The following RPS6KA5 variants were observed in gnomAD, a reference collection of about 807,000 sequenced individuals.
RPS6KA5 encodes ribosomal protein S6 kinase A5, also known as ribosomal protein S6 kinase alpha-5.
A neutral mutation model predicts 85.5 loss-of-function variants in RPS6KA5; 27 were observed. The ratio of observed to expected loss-of-function variants is 0.32; its 90% CI spans 0.23 to 0.44. The LOEUF (loss-of-function observed/expected upper bound fraction) is 0.44. Among genes scored for constraint, RPS6KA5 ranks in the 20% least tolerant of loss-of-function variants. The pLI is 1.00. For missense variants in RPS6KA5, 811 were observed against 980.9 expected (o/e 0.83, Z 2.31); for synonymous variants, 334 against 348.2 (o/e 0.96, Z 0.46).
In RPS6KA5 at chr14:91,017,329, C is replaced by A. The variant is rs147810813; in HGVS notation, c.104-16170G>T. On this transcript the variant is annotated intron_variant, in intron 1 of 16. Transcript: ENST00000614987. ...GATACAGATTTGCCTTCCCTGCACA[C>A]AATATTTCTGTCACAACTACCATCC... Among the ~76,000 whole-genome samples, 294 of 152,320 alleles carry A rather than the reference C, an allele frequency of 1.9e-3. 1 individual carries two copies. Among genetic ancestry groups the A allele is most frequent in the African/African-American group, 6.6e-3 (276 of 41,578 alleles).
chr14:90,947,360 A>G, intron 4 of RPS6KA5, 75 bp downstream of exon 4: 1 of 787,452 alleles, frequency 1.3e-6, no homozygotes, highest in East Asian at 2.5e-5. Context: ...ATGTAAAAAC[A>G]TTAGCTCTTC....
rs188636551 is a variant in RPS6KA5, at chr14:90,978,858, A to G, written c.176-334T>C. On this transcript the variant is annotated intron_variant, in intron 2 of 16. Transcript: ENST00000614987. The stretch of plus-strand genomic sequence containing the variant: ...AATCCAATTCTGGAACAACCAGGAC[A>G]TTTTAGACATCAGATAAAACTTCTA... 2.3e-3 allele frequency among the ~76,000 whole-genome samples: 343 copies of G among 152,302 alleles called. 3 individuals carry two copies. The highest frequency in any genetic ancestry group is 3.6e-3 in the Non-Finnish European group (245 of 68,010).
intron 3 of RPS6KA5, among the ~76,000 whole-genome samples, chr14:90,960,200 G>GAGA (rs2038727228): frequency 6.6e-6 from 1 of 152,138 alleles, no homozygotes; most frequent in Non-Finnish European, 1.5e-5. Flanking sequence ...TACCGAGAAT[G>GAGA]TGCTAAAACT....
intron 1 of RPS6KA5, among the ~76,000 whole-genome samples, chr14:91,056,025 G>A (rs1595572903): frequency 6.6e-6 from 1 of 152,236 alleles, no homozygotes; most frequent in Non-Finnish European, 1.5e-5. Context: ...GGGTCCCTGA[G>A]TTAGAATCAA....
At chr14:90,939,469 T>G (rs999827214) in intron 5 of RPS6KA5, among the ~76,000 whole-genome samples, 1 of 152,226 alleles carries the variant, frequency 6.6e-6, no homozygotes, top group Non-Finnish European at 1.5e-5. Context: ...TAGTCTGTTT[T>G]CATACTGCTG....
At position 90,860,993 on chromosome 14, in the gene RPS6KA5, G is replaced by A. The variant is rs1370777265; in HGVS notation, c.*11081C>T. ...TGCAACCTCCCTCTTCCGGGTTCAA[G>A]CGTTTCTCCTGCCTCAGCCTCCCAA... On this transcript the variant is annotated 3_prime_UTR_variant, in exon 17 of 17. Transcript: ENST00000614987. 2 of 149,828 alleles carry A rather than the reference G, an allele frequency of 1.3e-5. No homozygotes were observed. The highest frequency in any genetic ancestry group is 3.0e-5 in the Non-Finnish European group (2 of 67,796). The allele number at this position is 149,828 out of a possible 1,614,324, so 9.3% of individuals were successfully genotyped here. A position where few individuals can be genotyped will look rare whatever the true frequency, so the allele number is the denominator to read the frequency against.
chr14:90,954,269 A>G (rs2038386987), intron 3 of RPS6KA5, among the ~76,000 whole-genome samples: 1 of 152,188 alleles, frequency 6.6e-6, no homozygotes, highest in African/African-American at 2.4e-5. Context: ...CTGGCCTCAT[A>G]AGATAAGTTA....
chr14:90,951,118 C>CAAAAAAA (rs57389099), intron 3 of RPS6KA5, among the ~76,000 whole-genome samples: 1 of 84,566 alleles, frequency 1.2e-5, no homozygotes, highest in Admixed American at 1.4e-4. Context: ...GACTCAGTCT[C>CAAAAAAA]AAAAAAAAAA....
intron 1 of RPS6KA5, chr14:91,052,285 T>TTA (rs2043114446): frequency 5.8e-6 from 1 of 172,082 alleles, no homozygotes; most frequent in South Asian, 3.6e-5. Flanking sequence ...CCATCTCTAC[T>TTA]AAAAAAAAAA....
At chr14:90,961,383 G>A (rs180820553) in intron 3 of RPS6KA5, among the ~76,000 whole-genome samples, 38 of 152,254 alleles carry the variant, frequency 2.5e-4, no homozygotes, top group African/African-American at 6.3e-4. Context: ...GGGTTTAGAC[G>A]TTGTCTTAGA....
chr14:90,986,958 G>A (rs949504531), intron 2 of RPS6KA5, among the ~76,000 whole-genome samples: 4 of 152,118 alleles, frequency 2.6e-5, no homozygotes, highest in Non-Finnish European at 5.9e-5. Flanking sequence ...CCAAATCCAT[G>A]TCCCGGGATC....
At chr14:90,886,083 T>C (rs2034207397) in intron 14 of RPS6KA5, among the ~76,000 whole-genome samples, 1 of 151,996 alleles carries the variant, frequency 6.6e-6, no homozygotes, top group Non-Finnish European at 1.5e-5. Flanking sequence ...CATAAAGATA[T>C]ATATGTATGT....
chr14:90,969,067 A>G (rs72697541), intron 3 of RPS6KA5, among the ~76,000 whole-genome samples: 3 of 152,196 alleles, frequency 2.0e-5, no homozygotes, highest in African/African-American at 4.8e-5. Flanking sequence ...GTGTGTGTGT[A>G]TGTGTGTTTG....
chr14:90,917,257 T>C (rs1017128804), intron 7 of RPS6KA5, among the ~76,000 whole-genome samples: 6 of 152,230 alleles, frequency 3.9e-5, no homozygotes, highest in African/African-American at 1.4e-4. Context: ...TAAAAAGAAG[T>C]ACTGCTCACT....
chr14:90,936,202 A>G (rs936359459), intron 5 of RPS6KA5, among the ~76,000 whole-genome samples: 3 of 152,256 alleles, frequency 2.0e-5, no homozygotes, highest in African/African-American at 4.8e-5. Context: ...TTATCATAAA[A>G]TATTTTTAAA....
At chr14:91,001,465 A>G (rs2040793463) in intron 1 of RPS6KA5, among the ~76,000 whole-genome samples, 1 of 152,222 alleles carries the variant, frequency 6.6e-6, no homozygotes, top group Admixed American at 6.5e-5. Flanking sequence ...AAAAATTCTA[A>G]TATGTAGATA....
chr14:91,020,678 C>T, intron 1 of RPS6KA5, among the ~76,000 whole-genome samples: 3 of 140,070 alleles, frequency 2.1e-5, no homozygotes, highest in Admixed American at 7.4e-5. Flanking sequence ...ATGTATATAT[C>T]CTATTGGTCC....
chr14:91,052,173 T>C, intron 1 of RPS6KA5: 1 of 287,308 alleles, frequency 3.5e-6, no homozygotes, highest in Non-Finnish European at 6.7e-6. Flanking sequence ...TAAGGCCAGA[T>C]GCAGTGGCTC....
rs542321400 is a variant in RPS6KA5, at chr14:90,867,830, C to T, written c.*4244G>A. On this transcript the variant is annotated 3_prime_UTR_variant, in exon 17 of 17. Transcript: ENST00000614987. ...CCTAATAGTAGGAAAATATTAGGCA[C>T]CTACTTAATTCACAAATTCATGAAA... 6.6e-6 allele frequency: 1 copy of T among 152,270 alleles called. No homozygotes were observed. Among genetic ancestry groups the T allele is most frequent in the Non-Finnish European group, 1.5e-5 (1 of 68,004 alleles). The allele number at this position is 152,270 out of a possible 1,614,324, so 9.4% of individuals were successfully genotyped here.
Sources: gnomAD v4.1 joint callset for allele counts (sites outside exome capture counted in the v4.1 genomes callset) on GRCh38, gnomAD v4.1.1 for gene constraint, MANE v1.5 for transcripts, NCBI Gene and HGNC (gene_info 2026-07-23, HGNC 2026-07-21) for gene names.